PTPRM: variants seen among roughly 807,000 people sequenced by gnomAD.
The protein encoded by PTPRM is protein tyrosine phosphatase receptor type M, also known as receptor-type tyrosine-protein phosphatase mu.
In PTPRM, 47 loss-of-function variants were observed where a neutral mutation model predicts 186.7. That is an observed-to-expected ratio of 0.25 (90% confidence interval 0.20 to 0.32). The LOEUF is 0.32. PTPRM is among the 10% of genes least tolerant of loss of function. The probability of loss-of-function intolerance (pLI) is 1.00; values close to 1 mark genes in which losing one functional copy is unlikely to be tolerated. For synonymous variants in PTPRM, 668 were observed against 674.9 expected (o/e 0.99, Z 0.16); for missense variants, 1,494 against 1,865.0 (o/e 0.80, Z 3.66).
At chr18:7,785,386 G>A (rs2043051189) in intron 2 of PTPRM, among the ~76,000 whole-genome samples, 1 of 152,168 alleles carries the variant, frequency 6.6e-6, no homozygotes, top group Admixed American at 6.5e-5. Context: ...ATGCTGAAGT[G>A]TTAAAAGATA....
intron 1 of PTPRM, among the ~76,000 whole-genome samples, chr18:7,714,962 A>G (rs1300487412): frequency 2.6e-5 from 4 of 152,206 alleles, no homozygotes; most frequent in African/African-American, 9.6e-5. Context: ...TTCCGAAACT[A>G]TTCCAAACAA....
At chr18:8,069,621 G>T in intron 7 of PTPRM, 65 bp from the exon 8 acceptor site, 1 of 1,388,314 alleles carries the variant, frequency 7.2e-7, no homozygotes, top group Admixed American at 2.1e-5. Flanking sequence ...TGTGACCTTT[G>T]GGATTGACCT....
chr18:7,660,957 C>T (rs1186654155), intron 1 of PTPRM, among the ~76,000 whole-genome samples: 1 of 150,518 alleles, frequency 6.6e-6, no homozygotes, highest in Non-Finnish European at 1.5e-5. Flanking sequence ...GGTGACAGAG[C>T]AAGACTCCAT....
At position 8,076,562 on chromosome 18, in the gene PTPRM, G is replaced by A. The variant is rs1289944484; in HGVS notation, c.1549G>A (p.Glu517Lys). Residue 517 changes from glutamate (E) to lysine (K), a missense_variant and splice_region_variant, in exon 9 of 33, where the codon GAG becomes AAG. Physicochemically the swap from Glu to Lys is moderately conservative, Grantham distance 56. This residue lies in a region of PTPRM where 1,107 missense variants were observed against 1,350.2 expected (regional missense o/e 0.82). Coordinates refer to ENST00000580170, the MANE Select transcript of PTPRM (RefSeq NM_001105244.2). ...TQTYGVITLY[E>K]ITYKAVSSFD... is the part of the protein sequence containing the mutation. ...AACATATGGTGTAATCACTTTATAT[G>A]AGGTAATATATATGTTTGTTAGTAA... 1.4e-6 allele frequency: 2 copies of A among 1,451,388 alleles called. No homozygotes were observed. The highest frequency in any genetic ancestry group is 1.4e-5 in the African/African-American group (1 of 71,560). 89.9% of individuals were successfully genotyped at this position (1,451,388 alleles called of 1,614,324 possible).
At chr18:7,650,688 G>A (rs1271909410) in intron 1 of PTPRM, among the ~76,000 whole-genome samples, 1 of 151,948 alleles carries the variant, frequency 6.6e-6, no homozygotes, top group Non-Finnish European at 1.5e-5. Context: ...GATGCAGACT[G>A]TACCGAACCA....
At chr18:8,102,780 AGT>A (rs144701788) in intron 11 of PTPRM, among the ~76,000 whole-genome samples, 2,164 of 152,330 alleles carry the variant, frequency 0.014, 20 homozygotes, top group South Asian at 0.054. Flanking sequence ...CATCTGGAAT[AGT>A]GACCCCTTTC....
chr18:7,802,617 G>A (rs773199162), intron 2 of PTPRM, among the ~76,000 whole-genome samples: 3 of 152,100 alleles, frequency 2.0e-5, no homozygotes, highest in Non-Finnish European at 2.9e-5. Context: ...AGTATTTAAC[G>A]CTGTATTGCA....
chr18:8,057,450 C>CT (rs1568265828), intron 7 of PTPRM, among the ~76,000 whole-genome samples: 1 of 70,500 alleles, frequency 1.4e-5, no homozygotes, highest in African/African-American at 6.8e-5. Flanking sequence ...TTTTTTTTAG[C>CT]TATTCTTTTT....
intron 19 of PTPRM, among the ~76,000 whole-genome samples, chr18:8,284,224 C>A (rs1024101568): frequency 6.6e-6 from 1 of 152,172 alleles, no homozygotes; most frequent in Non-Finnish European, 1.5e-5. Context: ...TGTTTTAAGG[C>A]AGTACATCTA....
chr18:8,312,625 T>A (rs1481811353), intron 20 of PTPRM, among the ~76,000 whole-genome samples: 1 of 152,066 alleles, frequency 6.6e-6, no homozygotes, highest in Non-Finnish European at 1.5e-5. Context: ...ACTCTTCATC[T>A]CCATTTTACA....
At chr18:8,239,581 G>A (rs1037665696) in intron 14 of PTPRM, among the ~76,000 whole-genome samples, 5 of 152,132 alleles carry the variant, frequency 3.3e-5, no homozygotes, top group Non-Finnish European at 5.9e-5. Flanking sequence ...GGTTTTCCTG[G>A]CTAGGTTCTG....
Position 7,874,268 on chromosome 18 carries a change from A to G in PTPRM, c.197-13838A>G, listed in dbSNP as rs113425153. Among the ~76,000 whole-genome samples, 6 of 152,196 alleles carry G rather than the reference A, an allele frequency of 3.9e-5. No homozygotes were observed. The East Asian group carries it at 7.7e-4, about 20-fold the overall frequency. ...ATGTTTAATTTTTCCTTTGAAATCT[A>G]TTTTTTGACATTTTATAAAGGCATA... On this transcript the variant is annotated intron_variant, in intron 2 of 32. Transcript: ENST00000580170.
intron 1 of PTPRM, among the ~76,000 whole-genome samples, chr18:7,768,604 T>G (rs7227507): frequency 0.18 from 27,593 of 151,720 alleles, 6,399 homozygotes; most frequent in African/African-American, 0.55. Context: ...GCCCACGAAG[T>G]CATTGTTGAG....
At chr18:7,878,919 A>G (rs779755823) in intron 2 of PTPRM, among the ~76,000 whole-genome samples, 2 of 152,198 alleles carry the variant, frequency 1.3e-5, no homozygotes, top group Non-Finnish European at 2.9e-5. Flanking sequence ...TCTCTTTAGA[A>G]CGTTCTAAAT....
chr18:7,876,271 C>T (rs758832759), intron 2 of PTPRM, among the ~76,000 whole-genome samples: 2 of 151,770 alleles, frequency 1.3e-5, no homozygotes, highest in African/African-American at 2.4e-5. Flanking sequence ...AATCAAGTAC[C>T]CAAGAAAGAC....
chr18:8,401,659 A>G (rs1446865062), intron 32 of PTPRM, among the ~76,000 whole-genome samples: 1 of 152,230 alleles, frequency 6.6e-6, no homozygotes, highest in African/African-American at 2.4e-5. Context: ...GCTGGCCGCC[A>G]GCCTGAGTTC....
chr18:7,942,866 A>G (rs2052276316), intron 5 of PTPRM, among the ~76,000 whole-genome samples: 1 of 152,050 alleles, frequency 6.6e-6, no homozygotes, highest in Non-Finnish European at 1.5e-5. Flanking sequence ...TTAGTCCCAA[A>G]GTGCATTTGC....
intron 19 of PTPRM, among the ~76,000 whole-genome samples, chr18:8,282,577 G>A (rs111377782): frequency 2.6e-5 from 4 of 152,212 alleles, no homozygotes; most frequent in African/African-American, 4.8e-5. Flanking sequence ...CGGGAGAAAC[G>A]CTTGAACCCT....
chr18:8,198,123 A>G (rs1191917413), intron 14 of PTPRM, among the ~76,000 whole-genome samples: 1 of 152,184 alleles, frequency 6.6e-6, no homozygotes, highest in Non-Finnish European at 1.5e-5. Context: ...GAGGGTGTGC[A>G]TTCATTTCAC....
Sources: gnomAD v4.1 joint callset for allele counts (sites outside exome capture counted in the v4.1 genomes callset) on GRCh38, gnomAD v4.1.1 for gene constraint, gnomAD v4.1.1 regional missense constraint, MANE v1.5 for transcripts, NCBI Gene and HGNC (gene_info 2026-07-23, HGNC 2026-07-21) for gene names.